CDK6: variants seen among roughly 807,000 people sequenced by gnomAD.
CDK6 encodes cyclin-dependent kinase 6.
CDK6 carries 6 observed loss-of-function variants against 37.1 expected under a neutral mutation model. That is an observed-to-expected ratio of 0.16 (90% confidence interval 0.09 to 0.32). CDK6 has a LOEUF of 0.32. Ranked by LOEUF, CDK6 falls within the 10% of genes least tolerant of loss-of-function variation. CDK6 has a pLI of 1.00. For synonymous variants in CDK6, 160 were observed against 161.3 expected (o/e 0.99, Z 0.06); for missense variants, 224 against 418.9 (o/e 0.53, Z 4.06).
At chr7:92,663,653 A>T (rs1385304488) in intron 5 of CDK6, among the ~76,000 whole-genome samples, 1 of 151,492 alleles carries the variant, frequency 6.6e-6, no homozygotes, top group Non-Finnish European at 1.5e-5. Flanking sequence ...GTGAGCCGAG[A>T]TTGCACCACT....
At chr7:92,830,714 A>C (rs1290125541) in intron 2 of CDK6, among the ~76,000 whole-genome samples, 1 of 152,194 alleles carries the variant, frequency 6.6e-6, no homozygotes. Flanking sequence ...AGAAACAGGA[A>C]GGAAACAAAA....
intron 2 of CDK6, among the ~76,000 whole-genome samples, chr7:92,801,318 G>C (rs188763042): frequency 6.6e-6 from 1 of 152,036 alleles, no homozygotes; most frequent in Non-Finnish European, 1.5e-5. Flanking sequence ...TTAGAGAATG[G>C]AATATTTCTG....
chr7:92,669,055 C>T (rs1381761739), intron 5 of CDK6, among the ~76,000 whole-genome samples: 1 of 152,228 alleles, frequency 6.6e-6, no homozygotes, highest in Admixed American at 6.5e-5. Context: ...AAGCAGACTG[C>T]TGCCACTATC....
chr7:92,674,122 C>T (rs1241114867), intron 4 of CDK6, among the ~76,000 whole-genome samples: 1 of 150,146 alleles, frequency 6.7e-6, no homozygotes, highest in Non-Finnish European at 1.5e-5. Flanking sequence ...AACTAATCCT[C>T]ACCCTTGGCT....
At chr7:92,755,189 C>A (rs1799283601) in intron 3 of CDK6, among the ~76,000 whole-genome samples, 1 of 152,108 alleles carries the variant, frequency 6.6e-6, no homozygotes, top group Admixed American at 6.5e-5. Flanking sequence ...AGCCGACACT[C>A]CTTGCTAACA....
intron 2 of CDK6, among the ~76,000 whole-genome samples, chr7:92,816,934 C>T (rs1434586905): frequency 6.6e-6 from 1 of 151,882 alleles, no homozygotes; most frequent in African/African-American, 2.4e-5. Context: ...TACCAATAAA[C>T]TACCACCCCC....
intron 3 of CDK6, among the ~76,000 whole-genome samples, chr7:92,739,403 A>T (rs556386947): frequency 3.3e-5 from 5 of 152,210 alleles, no homozygotes; most frequent in Non-Finnish European, 7.3e-5. Flanking sequence ...TGTAATCTCC[A>T]TCTGTTCCAA....
intron 2 of CDK6, among the ~76,000 whole-genome samples, chr7:92,799,291 C>A (rs1800505347): frequency 6.6e-6 from 1 of 152,180 alleles, no homozygotes; most frequent in African/African-American, 2.4e-5. Context: ...TTCCCCACTA[C>A]TGGATGCAGT....
At chr7:92,774,569 A>AT (rs1174601953) in intron 3 of CDK6, 127 bp downstream of exon 3, 28 of 796,986 alleles carry the variant, frequency 3.5e-5, no homozygotes, top group East Asian at 5.8e-5. Context: ...ATTTTCTTTG[A>AT]TTTTTTTAAC....
intron 3 of CDK6, among the ~76,000 whole-genome samples, chr7:92,737,662 G>GTTAA (rs1475784621): frequency 6.6e-6 from 1 of 152,130 alleles, no homozygotes; most frequent in Non-Finnish European, 1.5e-5. Context: ...TTCTTACATA[G>GTTAA]TTAACTCTGG....
At chr7:92,629,238 T>G (rs923135745) in intron 5 of CDK6, among the ~76,000 whole-genome samples, 9 of 151,972 alleles carry the variant, frequency 5.9e-5, no homozygotes, top group Non-Finnish European at 1.2e-4. Context: ...CTAACACAAG[T>G]TAGAGAGTGT....
intron 4 of CDK6, among the ~76,000 whole-genome samples, chr7:92,675,926 AT>A (rs1191097730): frequency 6.6e-6 from 1 of 151,634 alleles, no homozygotes; most frequent in African/African-American, 2.4e-5. Flanking sequence ...GGTTATACTG[AT>A]TTTCTTTTTC....
rs372059370 is a variant in CDK6 at position 92,727,704 on chromosome 7, C to T, written c.370-1911G>A. 5.1e-4 allele frequency among the ~76,000 whole-genome samples: 77 copies of T among 152,098 alleles called. No homozygotes were observed. In the South Asian group the frequency reaches 0.016, roughly 31 times the overall value. ...TGATCTAGAATCATTTCTGAGATCC[C>T]CCTGAGTGAATATTCTGAACTGGCA... On this transcript the variant is annotated intron_variant, in intron 3 of 7. Transcript: ENST00000424848.
intron 5 of CDK6, among the ~76,000 whole-genome samples, chr7:92,637,644 A>G (rs1419188390): frequency 6.6e-6 from 1 of 152,202 alleles, no homozygotes; most frequent in Non-Finnish European, 1.5e-5. Context: ...TTTGTTTCAC[A>G]TATGTTGTCT....
At chr7:92,770,639 GATC>G (rs1799689935) in intron 3 of CDK6, among the ~76,000 whole-genome samples, 1 of 152,082 alleles carries the variant, frequency 6.6e-6, no homozygotes, top group African/African-American at 2.4e-5. Context: ...AGAAAAGTAA[GATC>G]ATCATGGGCT....
intron 2 of CDK6, among the ~76,000 whole-genome samples, chr7:92,831,550 T>C (rs1801481708): frequency 1.3e-5 from 2 of 152,078 alleles, no homozygotes; most frequent in Non-Finnish European, 2.9e-5. Context: ...CCCTCCAATA[T>C]CACAAAGAGC....
At chr7:92,652,108 T>A (rs764791856) in intron 5 of CDK6, among the ~76,000 whole-genome samples, 3 of 152,242 alleles carry the variant, frequency 2.0e-5, no homozygotes, top group Non-Finnish European at 4.4e-5. Context: ...CCACAAATAC[T>A]GAACATTTTG....
At chr7:92,618,379 TG>T in intron 6 of CDK6, 172 bp from the exon 7 acceptor site, 1 of 581,854 alleles carries the variant, frequency 1.7e-6, no homozygotes. Context: ...TACTGCAATA[TG>T]GTGGCCATGG....
At chr7:92,767,707 T>C (rs1279409412) in intron 3 of CDK6, among the ~76,000 whole-genome samples, 4 of 152,078 alleles carry the variant, frequency 2.6e-5, no homozygotes, top group South Asian at 2.1e-4. Flanking sequence ...CTTAGCAGTA[T>C]AGTCTTTAAA....
Sources: allele counts gnomAD v4.1 joint callset (sites outside exome capture counted in the v4.1 genomes callset), GRCh38; gene constraint gnomAD v4.1.1; transcripts MANE v1.5; gene names NCBI Gene and HGNC (gene_info 2026-07-23, HGNC 2026-07-21).